Variants in RASGRP3 observed in about 807,000 individuals in gnomAD.
RASGRP3 encodes RAS guanyl releasing protein 3, also known as ras guanyl-releasing protein 3.
A neutral mutation model predicts 82.7 loss-of-function variants in RASGRP3; 54 were observed. The observed-to-expected ratio is 0.65, with a 90% CI of 0.52 to 0.82. The LOEUF (loss-of-function observed/expected upper bound fraction) is 0.82, where lower values mean the gene tolerates loss of function less well. Ranked by LOEUF, RASGRP3 falls within the 40% of genes least tolerant of loss-of-function variation. The pLI is 0.00. For synonymous variants in RASGRP3, 309 were observed against 300.5 expected, an observed-to-expected ratio of 1.03 and a Z score of -0.29; for missense variants, 861 against 828.9, an observed-to-expected ratio of 1.04 and a Z score of -0.48.
chr2:33,451,636 A>G (rs1665805692), intron 2 of RASGRP3, among the ~76,000 whole-genome samples: 1 of 152,112 alleles, frequency 6.6e-6, no homozygotes, highest in South Asian at 2.1e-4. Context: ...GATTTCATTT[A>G]CTGCTGCTTT....
intron 2 of RASGRP3, among the ~76,000 whole-genome samples, chr2:33,452,016 C>T (rs79657783): frequency 0.031 from 4,767 of 152,116 alleles, 107 homozygotes; most frequent in Middle Eastern, 0.061. Context: ...TGTTGAAGCT[C>T]TCTATGGAAT....
rs540866217 is a variant in RASGRP3, at chr2:33,468,514, G to C, written c.-261+20571G>C. 3.9e-5 allele frequency among the ~76,000 whole-genome samples: 6 copies of C among 151,990 alleles called. No homozygotes were observed. In the South Asian group the frequency reaches 6.2e-4, roughly 16 times the overall value. ...CTTCCGAGGTTCAAGCGATTCTCCT[G>C]CCTCAGCCTCCTGAGTAGCTGGGAC... On this transcript the variant is annotated intron_variant, in intron 2 of 18. Coordinates refer to the RASGRP3 transcript ENST00000402538.
chr2:33,484,054 A>T (rs1384751652), intron 1 of RASGRP3, among the ~76,000 whole-genome samples: 1 of 152,178 alleles, frequency 6.6e-6, no homozygotes, highest in Non-Finnish European at 1.5e-5. Flanking sequence ...TGTTTTGAGA[A>T]AGTAAAAATT....
intron 10 of RASGRP3, among the ~76,000 whole-genome samples, chr2:33,530,152 T>C (rs1672971307): frequency 6.6e-6 from 1 of 152,184 alleles, no homozygotes; most frequent in Non-Finnish European, 1.5e-5. Context: ...CCCCAATGCA[T>C]GCGAAGGCAT....
intron 2 of RASGRP3, among the ~76,000 whole-genome samples, chr2:33,448,579 A>G (rs915750258): frequency 6.6e-6 from 1 of 152,214 alleles, no homozygotes; most frequent in African/African-American, 2.4e-5. Flanking sequence ...AACAAATATT[A>G]TATGATTCCA....
At chr2:33,472,870 C>CAAAA (rs57159320), upstream of RASGRP3, among the ~76,000 whole-genome samples, 6,114 of 67,744 alleles carry the variant, frequency 0.09, 296 homozygotes, top group East Asian at 0.31. Flanking sequence ...GACTCCGTCT[C>CAAAA]AAAAAAAAAA....
intron 1 of RASGRP3, among the ~76,000 whole-genome samples, chr2:33,446,513 A>T (rs1168650762): frequency 2.6e-5 from 4 of 151,832 alleles, no homozygotes; most frequent in African/African-American, 9.7e-5. Context: ...TTGGTTCCCA[A>T]ATAGGGTGAG....
chr2:33,521,909 G>T (rs1180548002), intron 6 of RASGRP3, 46 bp from the exon 7 acceptor site: 1 of 1,569,614 alleles, frequency 6.4e-7, no homozygotes, highest in Admixed American at 2.0e-5. Flanking sequence ...TCCATTGAGT[G>T]AAATGGGCTT....
At position 33,527,084 on chromosome 2, in the gene RASGRP3, G is replaced by A. The variant is rs1397917780; in HGVS notation, c.808-53G>A. On this transcript the variant is annotated intron_variant, in intron 9 of 17. Transcript: ENST00000403687. ...CTAGCCACACATTGCAGGGCCCGGG[G>A]GTGTGCAGGAGGGAAAGTTGTTTGA... 4 of 1,586,924 alleles carry A rather than the reference G, an allele frequency of 2.5e-6. No homozygotes were observed. In the Admixed American group the frequency reaches 6.8e-5, roughly 27 times the overall value.
intron 1 of RASGRP3, among the ~76,000 whole-genome samples, chr2:33,438,037 C>T (rs1169806729): frequency 6.6e-6 from 1 of 152,196 alleles, no homozygotes; most frequent in Non-Finnish European, 1.5e-5. Context: ...ATGTTGCTTA[C>T]AGCAATTCTG....
intron 1 of RASGRP3, among the ~76,000 whole-genome samples, chr2:33,442,031 C>A (rs1665250929): frequency 6.6e-6 from 1 of 152,144 alleles, no homozygotes; most frequent in African/African-American, 2.4e-5. Flanking sequence ...TTTACACTTA[C>A]ATTCAGTGAA....
At chr2:33,528,786 G>A (rs768661202) in intron 10 of RASGRP3, among the ~76,000 whole-genome samples, 1 of 152,172 alleles carries the variant, frequency 6.6e-6, no homozygotes, top group Admixed American at 6.5e-5. Flanking sequence ...CAGAAACACA[G>A]ATCTCTTAAA....
chr2:33,481,249 C>T (rs1667867796), intron 1 of RASGRP3: 1 of 152,244 alleles, frequency 6.6e-6, no homozygotes, highest in South Asian at 2.1e-4. Context: ...GCAAGCTCCG[C>T]CTCCCGGGTT....
intron 1 of RASGRP3, among the ~76,000 whole-genome samples, chr2:33,484,044 T>C (rs1465867770): frequency 6.6e-6 from 1 of 152,192 alleles, no homozygotes. Context: ...TTCTCTGTTT[T>C]GTTTTGAGAA....
intron 14 of RASGRP3, chr2:33,555,187 A>C (rs1435160582): frequency 2.1e-5 from 4 of 191,282 alleles, no homozygotes; most frequent in African/African-American, 4.7e-5. Context: ...AGTGTCATTA[A>C]AAAGAGAGAG....
chr2:33,547,342 C>CTTTT lies in RASGRP3; in HGVS notation c.1395-2236_1395-2233dup, dbSNP rs59601670. Among the ~76,000 whole-genome samples the CTTTT allele has an allele frequency of 4.8e-3, 324 of 68,192 alleles. 30 individuals are homozygous for CTTTT. Among genetic ancestry groups the CTTTT allele is most frequent in the African/African-American group, 6.1e-3 (105 of 17,326 alleles). 44.7% of individuals were successfully genotyped at this position (68,192 alleles called of 152,430 possible). On this transcript the variant is annotated intron_variant, in intron 13 of 17. Coordinates refer to ENST00000403687, the MANE Select transcript of RASGRP3 (RefSeq NM_001139488.2). ...CCCGCAAGCTTGAGAATATAGAATC[C>CTTTT]TTTTTTTTTTTTTTTTTTTTTTTTT...
At chr2:33,472,180 G>A (rs919156388), upstream of RASGRP3, among the ~76,000 whole-genome samples, 2 of 152,076 alleles carry the variant, frequency 1.3e-5, no homozygotes, top group African/African-American at 4.8e-5. Context: ...ATACATGCCA[G>A]GCATTGTATT....
At chr2:33,548,278 G>T (rs1311436836) in intron 13 of RASGRP3, among the ~76,000 whole-genome samples, 2 of 149,054 alleles carry the variant, frequency 1.3e-5, no homozygotes, top group Non-Finnish European at 3.0e-5. Flanking sequence ...GGAGAATGGC[G>T]TGAACCTGGG....
intron 9 of RASGRP3, 62 bp from the exon 10 acceptor site, chr2:33,527,075 G>C (rs1259413202): frequency 1.7e-5 from 26 of 1,547,106 alleles, no homozygotes; most frequent in Non-Finnish European, 2.3e-5. Context: ...ACACATTGCA[G>C]GGCCCGGGGG....
Sources: allele counts gnomAD v4.1 joint callset (sites outside exome capture counted in the v4.1 genomes callset), GRCh38; gene constraint gnomAD v4.1.1; transcripts MANE v1.5; gene names NCBI Gene and HGNC (gene_info 2026-07-23, HGNC 2026-07-21).